Variants in SNX27 observed in about 807,000 individuals in gnomAD.
The protein encoded by SNX27 is sorting nexin 27, also known as sorting nexin-27.
SNX27 carries 22 observed loss-of-function variants against 71.6 expected under a neutral mutation model. The ratio of observed to expected loss-of-function variants is 0.31; its 90% CI spans 0.22 to 0.44. The LOEUF (loss-of-function observed/expected upper bound fraction) is 0.44. Ranked by LOEUF, SNX27 falls within the 20% of genes least tolerant of loss-of-function variation. The probability of loss-of-function intolerance (pLI) is 1.00; values close to 1 mark genes in which losing one functional copy is unlikely to be tolerated. For synonymous variants in SNX27, 269 were observed against 277.2 expected, an observed-to-expected ratio of 0.97 and a Z score of 0.29; for missense variants, 531 against 698.6, an observed-to-expected ratio of 0.76 and a Z score of 2.70.
At position 151,696,669 on chromosome 1, in the gene SNX27, T is replaced by TC. The variant is rs1671757622; in HGVS notation, c.*2255dup. On this transcript the variant is annotated 3_prime_UTR_variant, in exon 12 of 12. Coordinates refer to ENST00000458013, the MANE Select transcript of SNX27 (RefSeq NM_001330723.2). ...TTTTTCTGTTTTTTTTTTTTTTTTT[T>TC]CCCAGAGTCTTGCTCTGTCGCCCAG... 8.5e-6 allele frequency: 1 copy of TC among 117,356 alleles called. No individual in the cohort carries two copies. Among genetic ancestry groups the TC allele is most frequent in the Non-Finnish European group, 1.6e-5 (1 of 63,814 alleles). The allele number at this position is 117,356 out of a possible 1,614,324, so 7.3% of individuals were successfully genotyped here.
intron 2 of SNX27, among the ~76,000 whole-genome samples, chr1:151,645,068 G>A (rs1476189616): frequency 6.6e-6 from 1 of 152,070 alleles, no homozygotes; most frequent in African/African-American, 2.4e-5. Context: ...CCAAAGTGTT[G>A]GGATTACAGG....
At chr1:151,667,402 A>C (rs1041807670) in intron 6 of SNX27, among the ~76,000 whole-genome samples, 1 of 152,112 alleles carries the variant, frequency 6.6e-6, no homozygotes, top group Non-Finnish European at 1.5e-5. Context: ...AGTTTGAGGA[A>C]TGCTGTAGGA....
At chr1:151,631,094 G>A (rs1341685061) in intron 1 of SNX27, among the ~76,000 whole-genome samples, 1 of 152,186 alleles carries the variant, frequency 6.6e-6, no homozygotes, top group Non-Finnish European at 1.5e-5. Flanking sequence ...AGAGTTAGAT[G>A]AAAAGGAGAC....
intron 7 of SNX27, among the ~76,000 whole-genome samples, chr1:151,671,724 A>G (rs1670459384): frequency 6.6e-6 from 1 of 152,098 alleles, no homozygotes; most frequent in Admixed American, 6.5e-5. Flanking sequence ...CTTCCAATCC[A>G]TGAACATGGA....
intron 7 of SNX27, chr1:151,679,886 G>T (rs1670861588): frequency 6.6e-6 from 1 of 152,112 alleles, no homozygotes; most frequent in African/African-American, 2.4e-5. Flanking sequence ...AAATTGGTAA[G>T]TCAAGAATTG....
At chr1:151,673,088 A>G (rs1670514575) in intron 7 of SNX27, among the ~76,000 whole-genome samples, 1 of 150,774 alleles carries the variant, frequency 6.6e-6, no homozygotes. Flanking sequence ...CTTTTTTTTG[A>G]TGTAGGCATT....
intron 5 of SNX27, among the ~76,000 whole-genome samples, chr1:151,663,855 G>A (rs1001046870): frequency 1.3e-5 from 2 of 151,922 alleles, no homozygotes; most frequent in Non-Finnish European, 2.9e-5. Flanking sequence ...CAAATGAATC[G>A]ATCCATTGAT....
intron 9 of SNX27, 63 bp from the exon 10 acceptor site, chr1:151,692,848 A>T: frequency 6.2e-7 from 1 of 1,606,676 alleles, no homozygotes; most frequent in Non-Finnish European, 8.5e-7. Flanking sequence ...AGAACCCCCT[A>T]CCTCAGTTCC....
At chr1:151,646,784 T>C (rs1035537989) in intron 2 of SNX27, among the ~76,000 whole-genome samples, 1 of 151,740 alleles carries the variant, frequency 6.6e-6, no homozygotes, top group Non-Finnish European at 1.5e-5. Context: ...TACCAATTTC[T>C]AACTTTACCC....
At chr1:151,689,198 T>A (rs1327799618) in intron 8 of SNX27, among the ~76,000 whole-genome samples, 1 of 152,150 alleles carries the variant, frequency 6.6e-6, no homozygotes, top group Non-Finnish European at 1.5e-5. Context: ...ACCCTGCAGG[T>A]ATTATTCTTA....
chr1:151,663,712 A>G (rs1670063632), intron 5 of SNX27, among the ~76,000 whole-genome samples: 1 of 152,190 alleles, frequency 6.6e-6, no homozygotes, highest in South Asian at 2.1e-4. Flanking sequence ...TTGGTCCTGT[A>G]TACTTTATAT....
At chr1:151,638,248 A>T (rs1224507967) in intron 1 of SNX27, among the ~76,000 whole-genome samples, 1 of 152,242 alleles carries the variant, frequency 6.6e-6, no homozygotes, top group Non-Finnish European at 1.5e-5. Flanking sequence ...ATGGAATCCC[A>T]AGAGGTTAAT....
chr1:151,682,559 G>T (rs1205093112), intron 7 of SNX27, among the ~76,000 whole-genome samples: 2 of 152,076 alleles, frequency 1.3e-5, no homozygotes, highest in African/African-American at 4.8e-5. Flanking sequence ...CTGACCTTGT[G>T]ATTCACCCGC....
chr1:151,644,774 T>A (rs1668959821), intron 2 of SNX27, among the ~76,000 whole-genome samples: 1 of 152,074 alleles, frequency 6.6e-6, no homozygotes, highest in Non-Finnish European at 1.5e-5. Context: ...ATTTATTTAT[T>A]TATTTATTTA....
chr1:151,641,642 T>C (rs1211220452), intron 2 of SNX27, among the ~76,000 whole-genome samples: 3 of 134,972 alleles, frequency 2.2e-5, no homozygotes, highest in African/African-American at 8.0e-5. Context: ...ATATGTATCA[T>C]ATATATATCA....
At chr1:151,646,312 A>G (rs113016762) in intron 2 of SNX27, among the ~76,000 whole-genome samples, 1,852 of 152,140 alleles carry the variant, frequency 0.012, 45 homozygotes, top group African/African-American at 0.041. Flanking sequence ...CAGTCTGGCA[A>G]TGTTTTTATT....
chr1:151,655,592 C>T (rs771870569), intron 2 of SNX27, among the ~76,000 whole-genome samples: 2 of 152,178 alleles, frequency 1.3e-5, no homozygotes, highest in Non-Finnish European at 2.9e-5. Flanking sequence ...TTAGGAGTTA[C>T]CTCTAGGCAG....
At position 151,668,604 on chromosome 1, in the gene SNX27, A is replaced by G. The variant is rs149636067; in HGVS notation, c.1118A>G (p.Asn373Ser). ...GAAGAAGAAATTCTCTTAAATGACA[A>G]TGACCTTGCTGTTACCTACTTCTTT... ...TTEEEILLND[N>S]DLAVTYFFHQ... The change falls in exon 7 of 12, where the codon AAT becomes AGT. Residue 373 changes from asparagine to serine, a missense_variant. Transcript: ENST00000458013. 5.0e-5 allele frequency: 81 copies of G among 1,613,862 alleles called. No homozygotes were observed. Among genetic ancestry groups the G allele is most frequent in the Admixed American group, 2.0e-4 (12 of 59,980 alleles).
rs780012672 is a variant in SNX27, at chr1:151,693,150, C to G, written c.1518+111C>G. ...TAGAGCTAGTAGTTGTCTTGAGATC[C>G]GAACCTGTTTGAATCCTGGAGCCCC... On this transcript the variant is annotated intron_variant, in intron 10 of 11. Transcript: ENST00000458013. 1.1e-5 allele frequency: 16 copies of G among 1,451,116 alleles called. No individual in the cohort carries two copies. The Admixed American group carries it at 1.7e-4, about 15-fold the overall frequency. The allele number at this position is 1,451,116 out of a possible 1,614,324, so 89.9% of individuals were successfully genotyped here. A position where few individuals can be genotyped will look rare whatever the true frequency, so the allele number is the denominator to read the frequency against.
Sources: allele counts gnomAD v4.1 joint callset (sites outside exome capture counted in the v4.1 genomes callset), GRCh38; gene constraint gnomAD v4.1.1; transcripts MANE v1.5; gene names NCBI Gene and HGNC (gene_info 2026-07-23, HGNC 2026-07-21).